ZNF804A: variants seen among roughly 807,000 people sequenced by gnomAD.
The protein encoded by ZNF804A is zinc finger protein 804A.
Under a neutral mutation model 16.5 loss-of-function variants are expected in ZNF804A, and 2 were observed. The ratio of observed to expected loss-of-function variants is 0.12; its 90% CI spans 0.05 to 0.38. The LOEUF is 0.38. ZNF804A is among the 10% of genes least tolerant of loss of function. The pLI is 0.99. For missense variants in ZNF804A, 1,473 were observed against 1,390.7 expected (o/e 1.06, Z -0.94); for synonymous variants, 534 against 489.6 (o/e 1.09, Z -1.20).
intron 1 of ZNF804A, among the ~76,000 whole-genome samples, chr2:184,820,368 C>T (rs1695055506): frequency 6.6e-6 from 1 of 151,968 alleles, no homozygotes; most frequent in Admixed American, 6.6e-5. Flanking sequence ...AATTAACATC[C>T]TCTCACATTA....
intron 1 of ZNF804A, among the ~76,000 whole-genome samples, chr2:184,672,505 G>C (rs945379084): frequency 1.3e-5 from 2 of 152,100 alleles, no homozygotes; most frequent in African/African-American, 4.8e-5. Flanking sequence ...CAACATCACT[G>C]ACCTTTTATT....
chr2:184,845,085 T>C (rs1329544249), intron 1 of ZNF804A, among the ~76,000 whole-genome samples: 1 of 152,124 alleles, frequency 6.6e-6, no homozygotes, highest in African/African-American at 2.4e-5. Flanking sequence ...TCCTGTCTCT[T>C]TGTTTATATA....
intron 1 of ZNF804A, among the ~76,000 whole-genome samples, chr2:184,721,080 A>G (rs1429268064): frequency 7.9e-5 from 12 of 152,168 alleles, no homozygotes; most frequent in Non-Finnish European, 1.3e-4. Flanking sequence ...TTCTGATCAT[A>G]TACAAATATC....
intron 2 of ZNF804A, among the ~76,000 whole-genome samples, chr2:184,898,285 A>C (rs1453716756): frequency 1.3e-5 from 2 of 152,114 alleles, no homozygotes; most frequent in Non-Finnish European, 2.9e-5. Flanking sequence ...ATAAACTGCA[A>C]AAACAATGTG....
intron 1 of ZNF804A, among the ~76,000 whole-genome samples, chr2:184,765,408 C>T (rs1260479968): frequency 1.3e-5 from 2 of 152,148 alleles, no homozygotes; most frequent in Non-Finnish European, 2.9e-5. Flanking sequence ...CAGACCGGCA[C>T]TGCACCCTGG....
intron 1 of ZNF804A, among the ~76,000 whole-genome samples, chr2:184,807,685 GT>G (rs1694830003): frequency 6.6e-6 from 1 of 151,768 alleles, no homozygotes; most frequent in Non-Finnish European, 1.5e-5. Flanking sequence ...GTCCCATAGA[GT>G]CTTTTTTTTC....
At chr2:184,779,580 C>G (rs894241382) in intron 1 of ZNF804A, among the ~76,000 whole-genome samples, 1 of 151,480 alleles carries the variant, frequency 6.6e-6, no homozygotes, top group Non-Finnish European at 1.5e-5. Flanking sequence ...CCAATGTAAT[C>G]ACAATGGCCC....
At chr2:184,667,339 G>A (rs962335111) in intron 1 of ZNF804A, among the ~76,000 whole-genome samples, 1 of 151,748 alleles carries the variant, frequency 6.6e-6, no homozygotes, top group African/African-American at 2.4e-5. Context: ...TAAACATTCT[G>A]CATTTGTGAA....
At chr2:184,766,992 T>A (rs1272155665) in intron 1 of ZNF804A, among the ~76,000 whole-genome samples, 3 of 152,060 alleles carry the variant, frequency 2.0e-5, no homozygotes, top group African/African-American at 7.2e-5. Flanking sequence ...ACCAGAGGCA[T>A]GCAACTACAG....
intron 1 of ZNF804A, among the ~76,000 whole-genome samples, chr2:184,709,031 T>C (rs561152153): frequency 2.8e-4 from 42 of 152,270 alleles, no homozygotes; most frequent in Non-Finnish European, 4.6e-4. Flanking sequence ...GAAACCTTCC[T>C]GGCTATCAAA....
intron 1 of ZNF804A, among the ~76,000 whole-genome samples, chr2:184,745,431 G>T (rs950276923): frequency 2.0e-5 from 3 of 151,600 alleles, no homozygotes; most frequent in Non-Finnish European, 4.4e-5. Context: ...TAATTTTTCA[G>T]AAACAACTAT....
At chr2:184,639,432 A>C (rs1485798305) in intron 1 of ZNF804A, among the ~76,000 whole-genome samples, 1 of 151,998 alleles carries the variant, frequency 6.6e-6, no homozygotes, top group Non-Finnish European at 1.5e-5. Flanking sequence ...GTGTCACCCA[A>C]ATATGCTTTG....
intron 1 of ZNF804A, among the ~76,000 whole-genome samples, chr2:184,796,007 G>A (rs1694624957): frequency 6.6e-6 from 1 of 151,880 alleles, no homozygotes; most frequent in South Asian, 2.1e-4. Context: ...CTGTTTATGT[G>A]GTGAATCACA....
At chr2:184,807,456 A>C (rs13012514) in intron 1 of ZNF804A, among the ~76,000 whole-genome samples, 50,566 of 151,610 alleles carry the variant, frequency 0.33, 11,807 homozygotes, top group African/African-American at 0.66. Context: ...GATTTTCTAT[A>C]AAAATACAAT....
chr2:184,880,191 C>G (rs1302695967), intron 2 of ZNF804A, among the ~76,000 whole-genome samples: 1 of 151,874 alleles, frequency 6.6e-6, no homozygotes. Flanking sequence ...AGATTTGTCA[C>G]TGTTAAGAGG....
intron 1 of ZNF804A, among the ~76,000 whole-genome samples, chr2:184,695,877 A>G (rs1398401563): frequency 6.6e-6 from 1 of 152,078 alleles, no homozygotes; most frequent in Non-Finnish European, 1.5e-5. Context: ...TCTGCTTATT[A>G]TTTTTACAAA....
intron 2 of ZNF804A, among the ~76,000 whole-genome samples, chr2:184,915,637 C>G (rs899978571): frequency 9.2e-5 from 14 of 152,068 alleles, no homozygotes; most frequent in Non-Finnish European, 2.1e-4. Context: ...ACTGAATGGT[C>G]AGAAAATCAG....
intron 1 of ZNF804A, among the ~76,000 whole-genome samples, chr2:184,729,946 C>T (rs1693485929): frequency 6.6e-6 from 1 of 152,084 alleles, no homozygotes; most frequent in African/African-American, 2.4e-5. Flanking sequence ...GTCCCAAACA[C>T]TCATGGAGTA....
chr2:184,828,614 T>A (rs1049296700), intron 1 of ZNF804A, among the ~76,000 whole-genome samples: 5 of 151,846 alleles, frequency 3.3e-5, no homozygotes, highest in African/African-American at 1.2e-4. Context: ...GTAAACTTTA[T>A]AATTTTAGGT....
Sources: gnomAD v4.1 joint callset for allele counts (sites outside exome capture counted in the v4.1 genomes callset) on GRCh38, gnomAD v4.1.1 for gene constraint, MANE v1.5 for transcripts, NCBI Gene and HGNC (gene_info 2026-07-23, HGNC 2026-07-21) for gene names.